The following MYH11 variants were observed in gnomAD, a reference collection of about 807,000 sequenced individuals.
MYH11 encodes the protein myosin heavy chain 11, also known as myosin-11.
Under a neutral mutation model 246.6 loss-of-function variants are expected in MYH11, and 80 were observed. The observed-to-expected ratio is 0.32, with a 90% CI of 0.27 to 0.39. The LOEUF is 0.39. Ranked by LOEUF, MYH11 falls within the 10% of genes least tolerant of loss-of-function variation. MYH11 has a pLI of 1.00. For missense variants in MYH11, 2,158 were observed against 2,546.8 expected (o/e 0.85, Z 3.29); for synonymous variants, 1,071 against 1,015.5 (o/e 1.05, Z -1.04).
rs1266756941 is a variant in MYH11 at position 15,786,708 on chromosome 16, G to A, written c.555C>T (p.Thr185=). The change falls in exon 5 of 41, where the codon ACC becomes ACT. Residue 185 remains threonine, a synonymous_variant. Transcript: ENST00000300036. ...ACTGAATGACCTTCTTGGTGTTTTC[G>A]GTTTTCCCGGCTCCAGACTCGCCTC... is the stretch of plus-strand genomic sequence containing the variant. ...LCTGESGAGK[T]ENTKKVIQYL... 4.3e-6 allele frequency: 7 copies of A among 1,614,060 alleles called. No individual in the cohort carries two copies. Among genetic ancestry groups the A allele is most frequent in the Admixed American group, 1.7e-5 (1 of 60,000 alleles).
chr16:15,851,293 T>C (rs1028994987), intron 1 of MYH11, among the ~76,000 whole-genome samples: 5 of 152,272 alleles, frequency 3.3e-5, no homozygotes, highest in African/African-American at 1.2e-4. Context: ...TTTAGATCTA[T>C]TATTCATAAC....
chr16:15,710,233 A>C (rs2039703209), intron 40 of MYH11, among the ~76,000 whole-genome samples: 1 of 152,108 alleles, frequency 6.6e-6, no homozygotes, highest in Non-Finnish European at 1.5e-5. Flanking sequence ...CTAAAGAATC[A>C]CTGGGCCGGC....
intron 6 of MYH11, among the ~76,000 whole-genome samples, chr16:15,780,092 G>A (rs756755243): frequency 6.6e-6 from 1 of 152,224 alleles, no homozygotes; most frequent in African/African-American, 2.4e-5. Context: ...AGATGGCAGG[G>A]ACGCCAGTGA....
At chr16:15,737,943 C>A (rs574836905) in intron 24 of MYH11, among the ~76,000 whole-genome samples, 1 of 152,198 alleles carries the variant, frequency 6.6e-6, no homozygotes, top group Non-Finnish European at 1.5e-5. Flanking sequence ...CAGGCGCCCG[C>A]CACCACGCCT....
chr16:15,752,081 C>T (rs2041588088), intron 15 of MYH11, among the ~76,000 whole-genome samples: 1 of 151,858 alleles, frequency 6.6e-6, no homozygotes, highest in African/African-American at 2.4e-5. Context: ...TGTGAGCCAC[C>T]ATGCGCAGCC....
At chr16:15,754,611 G>T (rs2041663489) in intron 14 of MYH11, among the ~76,000 whole-genome samples, 1 of 152,190 alleles carries the variant, frequency 6.6e-6, no homozygotes. Flanking sequence ...TTTTGGTGAA[G>T]GCCCAGATAG....
chr16:15,793,948 T>TTC (rs1555452954), intron 4 of MYH11, among the ~76,000 whole-genome samples: 1 of 123,908 alleles, frequency 8.1e-6, no homozygotes, highest in Non-Finnish European at 1.7e-5. Flanking sequence ...TTCTTTTCTT[T>TTC]TTTTTTTTTT....
chr16:15,841,506 T>C (rs1373065094), intron 1 of MYH11, among the ~76,000 whole-genome samples: 1 of 152,194 alleles, frequency 6.6e-6, no homozygotes, highest in East Asian at 1.9e-4. Flanking sequence ...ATTCTGCGTT[T>C]TCTATACAAA....
rs1298195942 is a variant in MYH11 at position 15,748,043 on chromosome 16, T to C, written c.2180+4A>G. 1 of 1,614,212 alleles carries C rather than the reference T, an allele frequency of 6.2e-7. No individual in the cohort carries two copies. On this transcript the variant is annotated splice_donor_region_variant and intron_variant, in intron 17 of 40. Coordinates refer to ENST00000300036, the MANE Select transcript of MYH11 (RefSeq NM_002474.3). ...CCCTACCTGGGCCAGACCTTGGGAC[T>C]TACCGTTGGCGGAACTCCTGGAAGA...
chr16:15,759,766 T>C, intron 11 of MYH11, 38 bp from the exon 12 acceptor site: 1 of 1,612,252 alleles, frequency 6.2e-7, no homozygotes, highest in Non-Finnish European at 8.5e-7. Context: ...TTATTCTCAA[T>C]GGGCTCCATT....
intron 3 of MYH11, among the ~76,000 whole-genome samples, chr16:15,808,115 T>G (rs2043056460): frequency 6.6e-6 from 1 of 152,190 alleles, no homozygotes; most frequent in South Asian, 2.1e-4. Flanking sequence ...GGTCTCAGCC[T>G]CCATTGCCTG....
chr16:15,744,893 C>G (rs771407763), intron 20 of MYH11, among the ~76,000 whole-genome samples: 1 of 152,162 alleles, frequency 6.6e-6, no homozygotes, highest in African/African-American at 2.4e-5. Flanking sequence ...ATGGGCCACA[C>G]GAGGGATTCC....
rs1481865620 is a variant in MYH11, at chr16:15,786,714, C to A, written c.549G>T (p.Gly183=). 1 of 1,614,090 alleles carries A rather than the reference C, an allele frequency of 6.2e-7. No individual in the cohort carries two copies. The highest frequency in any genetic ancestry group is 1.1e-5 in the South Asian group (1 of 91,066). ...SILCTGESGA[G]KTENTKKVIQ... Reference sequence around the variant, plus strand: ...TGACCTTCTTGGTGTTTTCGGTTTTCCCGGCTCCAGACTCGCCTCTGAAAG... The same window carrying A: ...TGACCTTCTTGGTGTTTTCGGTTTTACCGGCTCCAGACTCGCCTCTGAAAG... The change falls in exon 5 of 41, where the codon GGG becomes GGT. Residue 183 remains glycine (G), a synonymous_variant. Transcript: ENST00000300036.
intron 4 of MYH11, among the ~76,000 whole-genome samples, chr16:15,793,107 T>G (rs2042654186): frequency 6.6e-6 from 1 of 152,112 alleles, no homozygotes; most frequent in Admixed American, 6.5e-5. Context: ...CTCTCTAATT[T>G]TATGTGAAAC....
rs766985744 is a variant in MYH11, at chr16:15,753,409, C to T, written c.1849G>A (p.Asp617Asn). 31 of 1,613,884 alleles carry T rather than the reference C, an allele frequency of 1.9e-5. No homozygotes were observed. The highest frequency in any genetic ancestry group is 2.4e-5 in the Non-Finnish European group (28 of 1,179,944). The change falls in exon 15 of 41, where the codon GAC (aspartate) becomes AAC (asparagine). Residue 617 changes from aspartate to asparagine, a missense_variant. Physicochemically the swap from Asp to Asn is conservative, Grantham distance 23. Transcript: ENST00000300036. ...LNASSDKFVA[D>N]LWKDVDRIVG... is the part of the protein sequence containing the mutation. ...AAGGCCTTACCGTCCTTCCACAGGT[C>T]GGCCACAAACTTGTCGGAGGAGGCA...
intron 20 of MYH11, among the ~76,000 whole-genome samples, chr16:15,744,731 G>T (rs1304260322): frequency 6.7e-6 from 1 of 148,722 alleles, no homozygotes; most frequent in African/African-American, 2.5e-5. Flanking sequence ...TTGAACTCCT[G>T]ACCGCAAGTG....
chr16:15,818,932 T>C (rs1254679914), intron 3 of MYH11, among the ~76,000 whole-genome samples: 2 of 152,138 alleles, frequency 1.3e-5, no homozygotes, highest in Non-Finnish European at 2.9e-5. Context: ...AAGGCTGGAG[T>C]ACCATAGCAC....
In MYH11 at chr16:15,791,590, A is replaced by C. The variant is rs575271643; in HGVS notation, c.531-4858T>G. On this transcript the variant is annotated intron_variant, in intron 4 of 40. Transcript: ENST00000300036. ...CTCTGCCAGTTACCTGGGTGACCTT[A>C]GGCAAGTCATTTAGCCTCTCCATAC... 2.0e-4 allele frequency: 30 copies of C among 152,102 alleles called. 1 individual carries two copies. Among genetic ancestry groups the C allele is most frequent in the Admixed American group, 1.3e-3 (20 of 15,260 alleles). 9.4% of individuals were successfully genotyped at this position (152,102 alleles called of 1,614,324 possible). A position where few individuals can be genotyped will look rare whatever the true frequency, so the allele number is the denominator to read the frequency against.
chr16:15,755,789 G>C (rs1374281982), intron 14 of MYH11, among the ~76,000 whole-genome samples: 2 of 152,150 alleles, frequency 1.3e-5, no homozygotes, highest in Non-Finnish European at 2.9e-5. Context: ...AAAATTAGCT[G>C]GGTGTGGTGG....
Sources: allele counts gnomAD v4.1 joint callset (sites outside exome capture counted in the v4.1 genomes callset), GRCh38; gene constraint gnomAD v4.1.1; transcripts MANE v1.5; gene names NCBI Gene and HGNC (gene_info 2026-07-23, HGNC 2026-07-21).